Variants in CACNA2D1 observed in about 807,000 individuals in gnomAD.
CACNA2D1 encodes voltage-dependent calcium channel subunit alpha-2/delta-1.
Under a neutral mutation model 171.5 loss-of-function variants are expected in CACNA2D1, and 53 were observed. The ratio of observed to expected loss-of-function variants is 0.31; its 90% CI spans 0.25 to 0.39. The LOEUF (loss-of-function observed/expected upper bound fraction) is 0.39, where lower values mean the gene tolerates loss of function less well. Ranked by LOEUF, CACNA2D1 falls within the 10% of genes least tolerant of loss-of-function variation. CACNA2D1 has a pLI of 1.00. For missense variants in CACNA2D1, 903 were observed against 1,299.8 expected (o/e 0.69, Z 4.69); for synonymous variants, 442 against 443.1 (o/e 1.00, Z 0.03).
intron 1 of CACNA2D1, among the ~76,000 whole-genome samples, chr7:82,426,615 T>C (rs1321255309): frequency 6.6e-6 from 1 of 152,208 alleles, no homozygotes; most frequent in African/African-American, 2.4e-5. Context: ...TGGTAATTAT[T>C]GCTTATGTAT....
At chr7:81,956,787 C>T (rs1210584139) in intron 38 of CACNA2D1, among the ~76,000 whole-genome samples, 2 of 152,000 alleles carry the variant, frequency 1.3e-5, no homozygotes, top group East Asian at 1.9e-4. Flanking sequence ...AACGAAAGTG[C>T]GTGCTCTAGT....
At chr7:82,159,627 G>A (rs943912724) in intron 4 of CACNA2D1, among the ~76,000 whole-genome samples, 2 of 151,374 alleles carry the variant, frequency 1.3e-5, no homozygotes, top group African/African-American at 4.8e-5. Context: ...TCCCCAAAAA[G>A]TGAAAGAAAA....
rs3054724 is a variant in CACNA2D1, at chr7:82,430,417, C to CAAAA, written c.95+12944_95+12947dup. ...TGGGTGATAGAGACAGACTCCATCT[C>CAAAA]AAAAAAAAAAAAAAACCAGATTCCT... On this transcript the variant is annotated intron_variant, in intron 1 of 38. Transcript: ENST00000356860. Among the ~76,000 whole-genome samples, 761 of 129,366 alleles carry CAAAA rather than the reference C, an allele frequency of 5.9e-3. 8 individuals carry two copies. Among genetic ancestry groups the CAAAA allele is most frequent in the Non-Finnish European group, 8.4e-3 (514 of 60,960 alleles). The allele number at this position is 129,366 out of a possible 152,430, so 84.9% of individuals were successfully genotyped here.
intron 1 of CACNA2D1, among the ~76,000 whole-genome samples, chr7:82,359,656 A>T (rs182028006): frequency 1.6e-3 from 202 of 129,244 alleles, no homozygotes; most frequent in African/African-American, 4.9e-3. Context: ...AAGTCCTCAA[A>T]CTATCATAAT....
chr7:82,366,275 G>A (rs1821696374), intron 1 of CACNA2D1, among the ~76,000 whole-genome samples: 1 of 152,098 alleles, frequency 6.6e-6, no homozygotes, highest in South Asian at 2.1e-4. Context: ...TGTTATATGC[G>A]TATATTGTGT....
chr7:82,315,456 G>C (rs2129435189), intron 3 of CACNA2D1, among the ~76,000 whole-genome samples: 1 of 152,110 alleles, frequency 6.6e-6, no homozygotes. Context: ...ATAAAAACAA[G>C]TTTTTCAGTC....
At chr7:82,249,165 A>C (rs1805328090) in intron 3 of CACNA2D1, among the ~76,000 whole-genome samples, 1 of 152,124 alleles carries the variant, frequency 6.6e-6, no homozygotes, top group Non-Finnish European at 1.5e-5. Context: ...TGTTTTCCCA[A>C]GGTGTCATGG....
At chr7:82,123,413 T>C (rs1789972449) in intron 5 of CACNA2D1, among the ~76,000 whole-genome samples, 1 of 152,154 alleles carries the variant, frequency 6.6e-6, no homozygotes, top group African/African-American at 2.4e-5. Context: ...CACTGTAACC[T>C]CACAACTGTC....
intron 1 of CACNA2D1, among the ~76,000 whole-genome samples, chr7:82,355,119 T>C (rs372379083): frequency 6.6e-6 from 1 of 152,148 alleles, no homozygotes; most frequent in East Asian, 1.9e-4. Flanking sequence ...GGGCTGAGTA[T>C]ACACATCACA....
intron 3 of CACNA2D1, among the ~76,000 whole-genome samples, chr7:82,184,611 T>C (rs541890248): frequency 2.6e-5 from 4 of 152,234 alleles, no homozygotes; most frequent in Admixed American, 2.0e-4. Context: ...ACTCACGTTT[T>C]TTAGATATAA....
At chr7:82,316,187 G>GT (rs1198753594) in intron 3 of CACNA2D1, among the ~76,000 whole-genome samples, 1 of 151,930 alleles carries the variant, frequency 6.6e-6, no homozygotes, top group Non-Finnish European at 1.5e-5. Context: ...ATTTTATATA[G>GT]TAACTACATA....
intron 10 of CACNA2D1, among the ~76,000 whole-genome samples, chr7:82,059,796 C>T (rs1403345558): frequency 6.6e-6 from 1 of 150,616 alleles, no homozygotes; most frequent in Non-Finnish European, 1.5e-5. Context: ...CACATATACA[C>T]CATGGAATAC....
chr7:82,075,945 T>G (rs1808914475), intron 7 of CACNA2D1, among the ~76,000 whole-genome samples: 1 of 152,164 alleles, frequency 6.6e-6, no homozygotes, highest in South Asian at 2.1e-4. Flanking sequence ...TAGCAATACT[T>G]ATTTACATAT....
intron 4 of CACNA2D1, among the ~76,000 whole-genome samples, chr7:82,170,178 A>AG (rs1191371578): frequency 1.3e-5 from 2 of 151,978 alleles, no homozygotes; most frequent in African/African-American, 4.8e-5. Context: ...AACTCAAAGT[A>AG]GTTAAAAGCA....
At chr7:82,173,117 A>C (rs1796218949) in intron 3 of CACNA2D1, among the ~76,000 whole-genome samples, 1 of 152,040 alleles carries the variant, frequency 6.6e-6, no homozygotes, top group African/African-American at 2.4e-5. Context: ...TCTGACCCAG[A>C]ATCACGTGGC....
intron 1 of CACNA2D1, among the ~76,000 whole-genome samples, chr7:82,385,705 C>A (rs541938438): frequency 6.9e-6 from 1 of 144,742 alleles, no homozygotes; most frequent in East Asian, 2.3e-4. Flanking sequence ...CTCTCTGTCG[C>A]CCAGGCTGGA....
intron 4 of CACNA2D1, among the ~76,000 whole-genome samples, chr7:82,155,277 T>C (rs1290670282): frequency 1.3e-5 from 2 of 152,122 alleles, no homozygotes; most frequent in Admixed American, 1.3e-4. Context: ...AACCGACTAA[T>C]AGACCATTTC....
chr7:82,226,949 A>G (rs1463043408), intron 3 of CACNA2D1, among the ~76,000 whole-genome samples: 5 of 152,196 alleles, frequency 3.3e-5, no homozygotes, highest in Admixed American at 2.0e-4. Flanking sequence ...ACAGAAAAAT[A>G]TTAGAATTCC....
chr7:82,034,447 T>C (rs201403234), intron 11 of CACNA2D1, among the ~76,000 whole-genome samples: 3 of 152,126 alleles, frequency 2.0e-5, no homozygotes, highest in South Asian at 2.1e-4. Context: ...CATTAGAACA[T>C]TGGCAGTAAA....
Sources: allele counts gnomAD v4.1 joint callset (sites outside exome capture counted in the v4.1 genomes callset), GRCh38; gene constraint gnomAD v4.1.1; transcripts MANE v1.5; gene names NCBI Gene and HGNC (gene_info 2026-07-23, HGNC 2026-07-21).